DMD: variants seen among roughly 807,000 people sequenced by gnomAD.
DMD encodes the protein dystrophin, also known as mutant dystrophin.
DMD carries 63 observed loss-of-function variants against 330.1 expected under a neutral mutation model. The observed-to-expected ratio is 0.19, with a 90% CI of 0.16 to 0.24. The LOEUF (loss-of-function observed/expected upper bound fraction) is 0.24. Ranked by LOEUF, DMD falls within the 10% of genes least tolerant of loss-of-function variation. The pLI is 1.00. For synonymous variants in DMD, 1,223 were observed against 959.8 expected, an observed-to-expected ratio of 1.27 and a Z score of -5.07; for missense variants, 3,344 against 2,684.1, an observed-to-expected ratio of 1.25 and a Z score of -5.43.
chrX:31,510,608 C>T (rs1318036078), intron 55 of DMD, among the ~76,000 whole-genome samples: 5 of 106,377 alleles, frequency 4.7e-5, no homozygotes, highest in South Asian at 4.4e-4. Flanking sequence ...CCCAGGTTCA[C>T]GCCATTCTCC....
chrX:31,978,333 C>T (rs1332346625), intron 44 of DMD, among the ~76,000 whole-genome samples: 1 of 110,125 alleles, frequency 9.1e-6, no homozygotes, highest in Non-Finnish European at 1.9e-5. Flanking sequence ...TTTACTGATC[C>T]TAATTGTTAT....
intron 67 of DMD, among the ~76,000 whole-genome samples, chrX:31,187,758 AGAGAGAGAGAGAGAGAGAGAGAGAGAGAG>A (rs2041937717): frequency 1.1e-5 from 1 of 94,325 alleles, no homozygotes; most frequent in Admixed American, 1.2e-4. Context: ...AGAGAGAGAG[AGAGAGAGAGAGAGAGAGAGAGAGAGAGAG>A]AACAAGCAAG....
intron 44 of DMD, among the ~76,000 whole-genome samples, chrX:32,060,311 C>T (rs918700387): frequency 5.4e-5 from 6 of 111,423 alleles, no homozygotes; most frequent in African/African-American, 2.0e-4. Context: ...TGATCACTTT[C>T]TGGTAAGAGA....
At chrX:32,827,065 C>CCACACA (rs1557061628) in intron 4 of DMD, among the ~76,000 whole-genome samples, 13,014 of 68,861 alleles carry the variant, frequency 0.19, 1,548 homozygotes, top group Admixed American at 0.25. Context: ...CACCCCCCCC[C>CCACACA]CACACACACA....
At chrX:32,070,396 C>T (rs1434146354) in intron 44 of DMD, among the ~76,000 whole-genome samples, 3 of 110,975 alleles carry the variant, frequency 2.7e-5, no homozygotes, top group African/African-American at 9.8e-5. Context: ...ATAGTAGAAA[C>T]TCAGGCTGCC....
chrX:32,748,820 G>A (rs1342916944), intron 7 of DMD, among the ~76,000 whole-genome samples: 1 of 112,494 alleles, frequency 8.9e-6, no homozygotes, highest in Admixed American at 9.4e-5. Flanking sequence ...TGTGTCATCA[G>A]TCATTGCAGA....
intron 17 of DMD, among the ~76,000 whole-genome samples, chrX:32,523,298 C>T (rs1479771771): frequency 9.0e-6 from 1 of 111,516 alleles, no homozygotes; most frequent in African/African-American, 3.3e-5. Context: ...CACATTCTTC[C>T]CTGAAGTGAG....
intron 16 of DMD, among the ~76,000 whole-genome samples, chrX:32,551,083 A>G (rs1352863063): frequency 9.0e-6 from 1 of 111,440 alleles, no homozygotes; most frequent in Non-Finnish European, 1.9e-5. Context: ...TATCATTCCT[A>G]TGAAACCACT....
At chrX:32,226,340 A>G (rs1427368029) in intron 43 of DMD, among the ~76,000 whole-genome samples, 1 of 111,813 alleles carries the variant, frequency 8.9e-6, no homozygotes, top group Admixed American at 9.6e-5. Context: ...ATGACACCCT[A>G]TCTAAAATGT....
chrX:31,162,154 A>G (rs1406226590), intron 74 of DMD, among the ~76,000 whole-genome samples: 1 of 110,563 alleles, frequency 9.0e-6, no homozygotes, highest in Admixed American at 9.7e-5. Flanking sequence ...CATGAGGGTA[A>G]GAACCAAGGC....
intron 47 of DMD, among the ~76,000 whole-genome samples, chrX:31,906,617 T>A (rs985514197): frequency 8.9e-6 from 1 of 112,272 alleles, no homozygotes; most frequent in Admixed American, 9.5e-5. Context: ...AAAGGCAATA[T>A]CCATTCTATT....
intron 55 of DMD, among the ~76,000 whole-genome samples, chrX:31,514,587 T>A (rs2071994681): frequency 8.9e-6 from 1 of 112,272 alleles, no homozygotes; most frequent in African/African-American, 3.2e-5. Context: ...AAACATGAAA[T>A]AATAATACAT....
At chrX:31,284,825 A>ACAC in intron 62 of DMD, among the ~76,000 whole-genome samples, 1 of 91,509 alleles carries the variant, frequency 1.1e-5, no homozygotes, top group South Asian at 5.3e-4. Context: ...TAATGGCTTA[A>ACAC]ACACACACAC....
At chrX:32,114,234 G>T (rs918938814) in intron 44 of DMD, among the ~76,000 whole-genome samples, 1 of 111,431 alleles carries the variant, frequency 9.0e-6, no homozygotes, top group Non-Finnish European at 1.9e-5. Context: ...GTTCAACCTT[G>T]GGGACCACAT....
At chrX:32,055,582 T>A (rs2096164553) in intron 44 of DMD, among the ~76,000 whole-genome samples, 1 of 111,394 alleles carries the variant, frequency 9.0e-6, no homozygotes, top group African/African-American at 3.3e-5. Context: ...ATTACCCTGA[T>A]CTGATCACTA....
intron 55 of DMD, among the ~76,000 whole-genome samples, chrX:31,510,309 C>G (rs1384561514): frequency 1.8e-5 from 2 of 110,817 alleles, no homozygotes; most frequent in African/African-American, 6.6e-5. Context: ...TCTTGGGCTG[C>G]CTCCACCAAC....
chrX:32,740,084 G>A (rs1273419377), intron 7 of DMD, among the ~76,000 whole-genome samples: 1 of 108,495 alleles, frequency 9.2e-6, no homozygotes, highest in Non-Finnish European at 1.9e-5. Context: ...GTGAACAGAA[G>A]TGATGTGCGC....
At chrX:32,129,824 C>T (rs1483218536) in intron 44 of DMD, among the ~76,000 whole-genome samples, 3 of 108,695 alleles carry the variant, frequency 2.8e-5, no homozygotes, top group Admixed American at 9.9e-5. Flanking sequence ...TCGAGGCCAA[C>T]GAGTTTGGGT....
chrX:32,870,980 A>AAAAAAAAAAAAAAAAAAAAAAAG (rs770375159), intron 2 of DMD, among the ~76,000 whole-genome samples: 2 of 37,209 alleles, frequency 5.4e-5, no homozygotes, highest in African/African-American at 1.9e-4. Flanking sequence ...AAAAAAAAAA[A>AAAAAAAAAAAAAAAAAAAAAAAG]AAAAAAAACC....
Sources: allele counts gnomAD v4.1 joint callset (sites outside exome capture counted in the v4.1 genomes callset), GRCh38; gene constraint gnomAD v4.1.1; transcripts MANE v1.5; gene names NCBI Gene and HGNC (gene_info 2026-07-23, HGNC 2026-07-21).